The following TAX1BP1 variants were observed in gnomAD, a reference collection of about 807,000 sequenced individuals.
The protein encoded by TAX1BP1 is Tax1 binding protein 1, also known as tax1-binding protein 1.
TAX1BP1 carries 62 observed loss-of-function variants against 97.7 expected under a neutral mutation model. That is an observed-to-expected ratio of 0.63 (90% CI 0.52 to 0.78). The LOEUF (loss-of-function observed/expected upper bound fraction) is 0.78, where lower values mean the gene tolerates loss of function less well. Among genes scored for constraint, TAX1BP1 ranks in the 30% least tolerant of loss-of-function variants. TAX1BP1 has a pLI of 0.00. For synonymous variants in TAX1BP1, 340 were observed against 304.2 expected (o/e 1.12, Z -1.23); for missense variants, 867 against 916.1 (o/e 0.95, Z 0.69).
At chr7:27,810,978 A>G (rs1475347019) in intron 13 of TAX1BP1, among the ~76,000 whole-genome samples, 2 of 152,022 alleles carry the variant, frequency 1.3e-5, no homozygotes, top group Non-Finnish European at 1.5e-5. Context: ...ATTTTGATAC[A>G]TTGCATTTTA....
chr7:27,806,282 T>C lies in TAX1BP1; in HGVS notation c.1764+6192T>C, dbSNP rs112959598. Among the ~76,000 whole-genome samples the C allele has an allele frequency of 7.5e-3, 1,148 of 152,150 alleles. 15 individuals are homozygous for C. Among genetic ancestry groups the C allele is most frequent in the African/African-American group, 0.027 (1,102 of 41,520 alleles). On this transcript the variant is annotated intron_variant, in intron 13 of 16. Coordinates refer to ENST00000396319, the MANE Select transcript of TAX1BP1 (RefSeq NM_006024.7). ...TATATTTTTAGTAGAGACAGGGTTT[T>C]GCCATGTTGGCTAGGCTGGTCTCAA...
chr7:27,756,641 C>CT (rs1351949596), intron 2 of TAX1BP1, among the ~76,000 whole-genome samples: 2 of 152,138 alleles, frequency 1.3e-5, no homozygotes, highest in African/African-American at 2.4e-5. Context: ...ACCCTATGCT[C>CT]TTAGTTATTA....
At chr7:27,783,770 A>G (rs531484534) in intron 5 of TAX1BP1, among the ~76,000 whole-genome samples, 139 of 152,174 alleles carry the variant, frequency 9.1e-4, no homozygotes, top group African/African-American at 3.3e-3. Flanking sequence ...AACTAAAAAT[A>G]AAAAAAATGT....
In TAX1BP1 at chr7:27,765,939, C is replaced by T; in HGVS notation, c.371C>T (p.Ser124Phe). 1 of 1,614,172 alleles carries T rather than the reference C, an allele frequency of 6.2e-7. No individual in the cohort carries two copies. The highest frequency in any genetic ancestry group is 8.5e-7 in the Non-Finnish European group (1 of 1,180,026). ...ACACCTTTCCAGTTTCGAGCTTCTT[C>T]TCCAGTTGAAGAGCTGCTTACTATG... Reference protein sequence around the residue: ...ASTPFQFRASSPVEELLTMED... With the variant: ...ASTPFQFRASFPVEELLTMED... The change falls in exon 4 of 17, where the codon TCT becomes TTT. Residue 124 changes from serine (S) to phenylalanine (F), a missense_variant. Ser to Phe is a radical substitution (Grantham distance 155). This residue lies in a region of TAX1BP1 where 822 missense variants were observed against 851.4 expected (regional missense o/e 0.97). Transcript: ENST00000396319.
chr7:27,828,613 ATTT>A lies in TAX1BP1; in HGVS notation c.2169-12_2169-10del. On this transcript the variant is annotated splice_polypyrimidine_tract_variant and intron_variant, in intron 16 of 16. Coordinates refer to ENST00000396319, the MANE Select transcript of TAX1BP1 (RefSeq NM_006024.7). ...TTTATTAGAAACATGTAATTCTTTC[ATTT>A]TTCTCTTTAAGCTTTGATGTTCACA... is the stretch of plus-strand genomic sequence containing the variant. The A allele has an allele frequency of 1.2e-6, 2 of 1,611,384 alleles. No individual in the cohort carries two copies. Among genetic ancestry groups the A allele is most frequent in the Non-Finnish European group, 1.7e-6 (2 of 1,178,122 alleles).
chr7:27,782,766 G>T (rs973691461), intron 5 of TAX1BP1, among the ~76,000 whole-genome samples: 1 of 152,034 alleles, frequency 6.6e-6, no homozygotes, highest in African/African-American at 2.4e-5. Context: ...AAGTGTTCAG[G>T]TGCTAGTTTA....
chr7:27,765,760 A>T, intron 3 of TAX1BP1, 74 bp from the exon 4 acceptor site: 1 of 1,294,494 alleles, frequency 7.7e-7, no homozygotes, highest in East Asian at 2.4e-5. Flanking sequence ...AGACATGGCA[A>T]GTATTGTTAA....
Position 27,809,293 on chromosome 7 carries a change from T to A in TAX1BP1, c.1765-7056T>A, listed in dbSNP as rs146599174. On this transcript the variant is annotated intron_variant, in intron 13 of 16. Coordinates refer to ENST00000396319, the MANE Select transcript of TAX1BP1 (RefSeq NM_006024.7). ...TATTTTGAGATGGCTACAACAAATG[T>A]AATATGAAACAAATCTGTTTGATCT... Among the ~76,000 whole-genome samples, 877 of 152,336 alleles carry A rather than the reference T, an allele frequency of 5.8e-3. 5 individuals are homozygous for A. Among genetic ancestry groups the A allele is most frequent in the Middle Eastern group, 0.02 (6 of 294 alleles).
intron 2 of TAX1BP1, among the ~76,000 whole-genome samples, chr7:27,755,527 G>C (rs1041086825): frequency 3.9e-5 from 6 of 152,058 alleles, no homozygotes; most frequent in Non-Finnish European, 7.4e-5. Context: ...CTGGTCTTCT[G>C]TATGTTCTTT....
intron 2 of TAX1BP1, among the ~76,000 whole-genome samples, chr7:27,755,069 A>G (rs1469462406): frequency 6.6e-6 from 1 of 152,040 alleles, no homozygotes; most frequent in East Asian, 1.9e-4. Context: ...ATATCTAGGC[A>G]TTTTTGCAGT....
At chr7:27,822,665 G>C (rs1006317388) in intron 15 of TAX1BP1, among the ~76,000 whole-genome samples, 1 of 152,274 alleles carries the variant, frequency 6.6e-6, no homozygotes, top group East Asian at 1.9e-4. Flanking sequence ...AAGAATATCT[G>C]TTCAAATCCT....
chr7:27,796,454 T>C (rs1193083778), intron 12 of TAX1BP1, among the ~76,000 whole-genome samples: 1 of 152,196 alleles, frequency 6.6e-6, no homozygotes, highest in Admixed American at 6.5e-5. Flanking sequence ...CCTAATAAAA[T>C]GTTCTTGTTT....
chr7:27,765,373 A>G (rs1788594806), intron 3 of TAX1BP1, among the ~76,000 whole-genome samples: 1 of 152,208 alleles, frequency 6.6e-6, no homozygotes, highest in South Asian at 2.1e-4. Flanking sequence ...TTCTGCCTTC[A>G]TATAGTTCAC....
chr7:27,797,249 G>A (rs553544403), intron 12 of TAX1BP1, among the ~76,000 whole-genome samples: 60 of 151,958 alleles, frequency 3.9e-4, no homozygotes, highest in African/African-American at 1.4e-3. Context: ...CACTCGCCTC[G>A]GCCTGTCAAA....
rs1486405940 is a variant in TAX1BP1, at chr7:27,792,165, A to C, written c.1198A>C (p.Lys400Gln). 14 of 1,613,824 alleles carry C rather than the reference A, an allele frequency of 8.7e-6. No individual in the cohort carries two copies. The highest frequency in any genetic ancestry group is 1.2e-5 in the Non-Finnish European group (14 of 1,180,014). Residue 400 changes from lysine to glutamine, a missense_variant, in exon 9 of 17, where the codon AAA becomes CAA. Around this residue, in one of 3 missense-constraint regions of TAX1BP1, gnomAD observed 822 missense variants for 851.4 expected, o/e 0.97. Transcript: ENST00000396319. ...DLHTARLENE[K>Q]VKKQLADAVA... ...GCATACTGCACGCTTGGAAAACGAG[A>C]AAGTGAAAAAGCAGTTAGCTGATGC...
chr7:27,770,921 C>T (rs1055200589), intron 5 of TAX1BP1, among the ~76,000 whole-genome samples: 1 of 151,870 alleles, frequency 6.6e-6, no homozygotes, highest in Admixed American at 6.6e-5. Context: ...GCAAGTATTT[C>T]CCAGTTTTAC....
At chr7:27,812,029 G>A (rs1186911377) in intron 13 of TAX1BP1, among the ~76,000 whole-genome samples, 5 of 152,112 alleles carry the variant, frequency 3.3e-5, no homozygotes, top group Non-Finnish European at 5.9e-5. Flanking sequence ...GTGGAATTGC[G>A]GGCTTATATG....
intron 2 of TAX1BP1, 47 bp downstream of exon 2, chr7:27,748,733 T>G (rs764651338): frequency 2.1e-6 from 3 of 1,409,272 alleles, no homozygotes; most frequent in Admixed American, 4.7e-5. Context: ...ACTTAAAATT[T>G]TCTTTTAAAA....
At position 27,746,317 on chromosome 7, in the gene TAX1BP1, T is replaced by C. The variant is rs1217949426; in HGVS notation, c.-7-2201T>C. On this transcript the variant is annotated intron_variant, in intron 1 of 16. Transcript: ENST00000396319. Reference sequence around the variant, plus strand: ...TTTTGGTAGTTGTATCTAATAGATGTTGGTTCTGTTGATTTAGCTATAGTT... The same window carrying C: ...TTTTGGTAGTTGTATCTAATAGATGCTGGTTCTGTTGATTTAGCTATAGTT... 2.0e-5 allele frequency among the ~76,000 whole-genome samples: 3 copies of C among 152,108 alleles called. No individual in the cohort carries two copies. The South Asian group carries it at 6.2e-4, about 32-fold the overall frequency.
Sources: gnomAD v4.1 joint callset for allele counts (sites outside exome capture counted in the v4.1 genomes callset) on GRCh38, gnomAD v4.1.1 for gene constraint, gnomAD v4.1.1 regional missense constraint, MANE v1.5 for transcripts, NCBI Gene and HGNC (gene_info 2026-07-23, HGNC 2026-07-21) for gene names.